ADCY3: variants seen among roughly 807,000 people sequenced by gnomAD.
ADCY3 encodes adenylate cyclase 3.
ADCY3 carries 70 observed loss-of-function variants against 119.4 expected under a neutral mutation model. The observed-to-expected ratio is 0.59, with a 90% CI of 0.48 to 0.72. The LOEUF is 0.72. ADCY3 is among the 30% of genes least tolerant of loss of function. The probability of loss-of-function intolerance (pLI) is 0.00; values close to 1 mark genes in which losing one functional copy is unlikely to be tolerated. For synonymous variants in ADCY3, 672 were observed against 621.4 expected (o/e 1.08, Z -1.21); for missense variants, 1,238 against 1,541.6 (o/e 0.80, Z 3.30).
intron 3 of ADCY3, among the ~76,000 whole-genome samples, chr2:24,846,872 T>G (rs549187689): frequency 1.3e-4 from 20 of 152,332 alleles, no homozygotes; most frequent in African/African-American, 4.3e-4. Flanking sequence ...AGCCATCATG[T>G]CTGGCCGCTT....
intron 2 of ADCY3, among the ~76,000 whole-genome samples, chr2:24,908,414 G>A (rs1282889732): frequency 6.6e-6 from 1 of 152,138 alleles, no homozygotes; most frequent in Non-Finnish European, 1.5e-5. Flanking sequence ...TTTATAATTT[G>A]AAACATTCTT....
chr2:24,875,993 G>GA (rs111809120), intron 2 of ADCY3, among the ~76,000 whole-genome samples: 20 of 151,548 alleles, frequency 1.3e-4, no homozygotes, highest in Admixed American at 9.8e-4. Flanking sequence ...TTTTGGGAGG[G>GA]GGGCGGTGGT....
chr2:24,909,829 T>C (rs910828035), intron 2 of ADCY3, among the ~76,000 whole-genome samples: 1 of 152,186 alleles, frequency 6.6e-6, no homozygotes, highest in Non-Finnish European at 1.5e-5. Flanking sequence ...TTCCCTCCCT[T>C]ACACACGCTA....
intron 2 of ADCY3, among the ~76,000 whole-genome samples, chr2:24,900,031 T>G (rs979462841): frequency 1.3e-5 from 2 of 152,086 alleles, no homozygotes; most frequent in African/African-American, 4.8e-5. Flanking sequence ...TTTTTCATAC[T>G]ACATAGTATT....
At chr2:24,833,072 C>A (rs1294565788) in intron 11 of ADCY3, among the ~76,000 whole-genome samples, 1 of 152,238 alleles carries the variant, frequency 6.6e-6, no homozygotes, top group African/African-American at 2.4e-5. Flanking sequence ...CCTGGCCTGG[C>A]CACCACAGTG....
chr2:24,840,304 CTT>C (rs1670846479), intron 6 of ADCY3, among the ~76,000 whole-genome samples: 1 of 152,246 alleles, frequency 6.6e-6, no homozygotes, highest in Admixed American at 6.5e-5. Context: ...GCCAATTACT[CTT>C]TTATTCATTC....
At chr2:24,854,183 T>G (rs771639764) in intron 3 of ADCY3, among the ~76,000 whole-genome samples, 2 of 152,174 alleles carry the variant, frequency 1.3e-5, no homozygotes, top group African/African-American at 2.4e-5. Flanking sequence ...AAAGGACCCT[T>G]CCTTCACTTG....
rs1678680074 is a variant in ADCY3, at chr2:24,899,542, G to C, written c.675+18771C>G. Among the ~76,000 whole-genome samples the C allele has an allele frequency of 6.6e-6, 1 of 152,186 alleles. No individual in the cohort carries two copies. Among genetic ancestry groups the C allele is most frequent in the South Asian group, 2.1e-4 (1 of 4,834 alleles). On this transcript the variant is annotated intron_variant, in intron 2 of 21. Coordinates refer to ENST00000679454, the MANE Select transcript of ADCY3 (RefSeq NM_004036.5). The surrounding 1 kb of genome is among the most constrained non-coding windows in gnomAD (Gnocchi z 4.5). Reference sequence around the variant, plus strand: ...GGAAGCAAGCAGAAGCAGCTTGCTAGACCAGCCCTGACTCTTCCTCAGCTC... The same window carrying C: ...GGAAGCAAGCAGAAGCAGCTTGCTACACCAGCCCTGACTCTTCCTCAGCTC...
intron 9 of ADCY3, among the ~76,000 whole-genome samples, chr2:24,836,473 G>A (rs1670344040): frequency 6.6e-6 from 1 of 152,200 alleles, no homozygotes; most frequent in East Asian, 1.9e-4. Context: ...CCTGCACTCT[G>A]GGACAGCATG....
chr2:24,821,396 C>G (rs1266846986), intron 20 of ADCY3, 121 bp downstream of exon 20: 1 of 1,424,172 alleles, frequency 7.0e-7, no homozygotes, highest in East Asian at 2.3e-5. Context: ...CCTGTGAGTG[C>G]GTGAACCTCC....
Position 24,834,594 on chromosome 2 carries a change from T to C in ADCY3, c.1858A>G (p.Met620Val). 1 of 1,614,090 alleles carries C rather than the reference T, an allele frequency of 6.2e-7. No homozygotes were observed. The highest frequency in any genetic ancestry group is 8.5e-7 in the Non-Finnish European group (1 of 1,180,016). The change falls in exon 11 of 22, where the codon ATG (methionine) becomes GTG (valine). Residue 620 changes from methionine (M) to valine (V), a missense_variant. Coordinates refer to ENST00000679454, the MANE Select transcript of ADCY3 (RefSeq NM_004036.5). The surrounding 1 kb of genome is among the most constrained non-coding windows in gnomAD (Gnocchi z 4.2). ...LLSMRFMDPE[M>V]ETRYSVEKEK... ...TTCTCCACCGAGTAGCGGGTTTCCA[T>C]CTCGGGGTCCATGAACCGCATGGAC...
Position 24,819,868 on chromosome 2 carries a change from C to A in ADCY3, c.*64G>T. On this transcript the variant is annotated 3_prime_UTR_variant, in exon 22 of 22. Transcript: ENST00000679454. ...GCACTTCAATCCAGGAAGGTCGGGA[C>A]TTCCTTCAGTTTCAAAAAATAAATT... The A allele has an allele frequency of 6.5e-7, 1 of 1,547,722 alleles. No individual in the cohort carries two copies. The highest frequency in any genetic ancestry group is 8.8e-7 in the Non-Finnish European group (1 of 1,137,108).
intron 2 of ADCY3, among the ~76,000 whole-genome samples, chr2:24,887,879 T>C (rs141505573): frequency 1.9e-4 from 29 of 152,312 alleles, no homozygotes; most frequent in African/African-American, 6.3e-4. Context: ...CTGTGCCAGA[T>C]ACACAATACA....
chr2:24,823,962 C>G (rs563820616), intron 17 of ADCY3, among the ~76,000 whole-genome samples: 2 of 152,234 alleles, frequency 1.3e-5, no homozygotes, highest in South Asian at 4.1e-4. Context: ...CCCAAAGTGC[C>G]GGGATTACAG....
In ADCY3 at chr2:24,918,438, G is replaced by A. The variant is rs768799300; in HGVS notation, c.550C>T (p.Pro184Ser). 3 of 1,613,800 alleles carry A rather than the reference G, an allele frequency of 1.9e-6. No individual in the cohort carries two copies. The highest frequency in any genetic ancestry group is 2.7e-5 in the African/African-American group (2 of 74,902). ...ATCACGATGGGGCTGAGGCTGAGGG[G>A]CAGCGTGATGAAGAAGGAGAAGACA... ...FFVFSFFITL[P>S]LSLSPIVIIS... The change falls in exon 2 of 22, where the codon CCC becomes TCC. Residue 184 changes from proline (P) to serine (S), a missense_variant. Physicochemically the swap from Pro to Ser is moderately conservative, Grantham distance 74. Coordinates refer to ENST00000679454, the MANE Select transcript of ADCY3 (RefSeq NM_004036.5). This position sits in a 1 kb window ranked among gnomAD's most constrained non-coding sequence, Gnocchi z 5.4.
chr2:24,885,823 C>A lies in ADCY3; in HGVS notation c.676-13104G>T, dbSNP rs187967495. On this transcript the variant is annotated intron_variant, in intron 2 of 21. Coordinates refer to ENST00000679454, the MANE Select transcript of ADCY3 (RefSeq NM_004036.5). ...CATTCAGGGTCCTATATACTCTGGG[C>A]TTTACCATGAACTTGAATCTAAACC... Among the ~76,000 whole-genome samples, 513 of 152,276 alleles carry A rather than the reference C, an allele frequency of 3.4e-3. 8 individuals carry two copies. The highest frequency in any genetic ancestry group is 0.012 in the African/African-American group (487 of 41,550).
chr2:24,859,032 C>T (rs571726834), intron 3 of ADCY3, among the ~76,000 whole-genome samples: 2 of 152,334 alleles, frequency 1.3e-5, no homozygotes, highest in South Asian at 4.1e-4. Flanking sequence ...AGGACCAGTG[C>T]CTACTTCGCA....
At chr2:24,914,449 G>C (rs965456628) in intron 2 of ADCY3, among the ~76,000 whole-genome samples, 1 of 152,142 alleles carries the variant, frequency 6.6e-6, no homozygotes, top group Non-Finnish European at 1.5e-5. Flanking sequence ...AAGGCAGGCG[G>C]ATTATCTGAG....
rs1197367286 is a variant in ADCY3 at position 24,838,586 on chromosome 2, C to A, written c.1392G>T (p.Leu464=). The A allele has an allele frequency of 1.2e-6, 2 of 1,614,034 alleles. No homozygotes were observed. The highest frequency in any genetic ancestry group is 1.7e-6 in the Non-Finnish European group (2 of 1,180,054). ...VHISQSTMDC[L]KGEFDVEPGD... The stretch of plus-strand genomic sequence containing the variant: ...CTGGCTCCACATCAAACTCCCCTTT[C>A]AGGCAGTCCATGGTGCTCTGGGAGA... The change falls in exon 8 of 22, where the codon CTG becomes CTT. Residue 464 remains leucine (L), a synonymous_variant. Transcript: ENST00000679454.
Sources: allele counts gnomAD v4.1 joint callset (sites outside exome capture counted in the v4.1 genomes callset), GRCh38; gene constraint gnomAD v4.1.1; non-coding constraint Gnocchi (gnomAD v3.1); transcripts MANE v1.5; gene names NCBI Gene and HGNC (gene_info 2026-07-23, HGNC 2026-07-21).